The following ERBB4 variants were observed in gnomAD, a reference collection of about 807,000 sequenced individuals.
ERBB4 encodes the protein erb-b2 receptor tyrosine kinase 4, also known as receptor tyrosine-protein kinase erbB-4.
ERBB4 carries 42 observed loss-of-function variants against 158.0 expected under a neutral mutation model. The observed-to-expected ratio is 0.27, with a 90% CI of 0.21 to 0.34. The LOEUF (loss-of-function observed/expected upper bound fraction) is 0.34, where lower values mean the gene tolerates loss of function less well. Ranked by LOEUF, ERBB4 falls within the 10% of genes least tolerant of loss-of-function variation. The pLI, the probability that ERBB4 is intolerant of heterozygous loss-of-function variation, is 1.00. For missense variants in ERBB4, 1,333 were observed against 1,624.1 expected (o/e 0.82, Z 3.08); for synonymous variants, 583 against 558.7 (o/e 1.04, Z -0.61).
intron 2 of ERBB4, among the ~76,000 whole-genome samples, chr2:212,117,446 T>C (rs11695227): frequency 0.41 from 62,763 of 151,956 alleles, 15,399 homozygotes; most frequent in Non-Finnish European, 0.55. Context: ...CCTGTCTCAA[T>C]TAGTGACATG....
intron 1 of ERBB4, among the ~76,000 whole-genome samples, chr2:212,411,493 C>T (rs1437710877): frequency 6.6e-6 from 1 of 152,144 alleles, no homozygotes; most frequent in Non-Finnish European, 1.5e-5. Flanking sequence ...AACACTGCTA[C>T]CAGGAAGGGG....
chr2:211,394,284 A>T (rs1467869788), intron 25 of ERBB4, among the ~76,000 whole-genome samples: 1 of 152,186 alleles, frequency 6.6e-6, no homozygotes, highest in Non-Finnish European at 1.5e-5. Context: ...ATTCAAGATA[A>T]GCAACAAGAA....
At chr2:212,450,595 G>A (rs1315775821) in intron 1 of ERBB4, among the ~76,000 whole-genome samples, 1 of 152,060 alleles carries the variant, frequency 6.6e-6, no homozygotes, top group Non-Finnish European at 1.5e-5. Context: ...TTAGTCTAAT[G>A]AAACCCATTT....
intron 3 of ERBB4, among the ~76,000 whole-genome samples, chr2:211,869,654 CA>C (rs1189792193): frequency 6.6e-6 from 1 of 152,012 alleles, no homozygotes; most frequent in Non-Finnish European, 1.5e-5. Flanking sequence ...AAAAATAATG[CA>C]AAAATTAAAT....
At chr2:211,804,511 A>G (rs1490779926) in intron 3 of ERBB4, among the ~76,000 whole-genome samples, 2 of 152,332 alleles carry the variant, frequency 1.3e-5, no homozygotes, top group East Asian at 3.9e-4. Context: ...TACAATTCCA[A>G]AAAAGTCTTT....
chr2:211,737,496 G>A (rs116620380), intron 5 of ERBB4, among the ~76,000 whole-genome samples: 15 of 152,184 alleles, frequency 9.9e-5, no homozygotes, highest in African/African-American at 2.6e-4. Flanking sequence ...GTACAAAACC[G>A]GCACAATGGA....
chr2:212,322,582 G>GTTA (rs1202771744), intron 1 of ERBB4, among the ~76,000 whole-genome samples: 1 of 150,490 alleles, frequency 6.6e-6, no homozygotes, highest in African/African-American at 2.4e-5. Context: ...TGGGGAAGAG[G>GTTA]TTATTAGATG....
chr2:212,192,073 T>TATGTA (rs2082283969), intron 1 of ERBB4, among the ~76,000 whole-genome samples: 2 of 90,028 alleles, frequency 2.2e-5, no homozygotes, highest in Non-Finnish European at 4.4e-5. Context: ...TGTTATATGT[T>TATGTA]ATATATATTA....
chr2:212,215,201 A>T (rs1305340698), intron 1 of ERBB4, among the ~76,000 whole-genome samples: 1 of 151,516 alleles, frequency 6.6e-6, no homozygotes, highest in African/African-American at 2.4e-5. Context: ...TTTTATGCTT[A>T]GGATTTGAAC....
At chr2:212,489,516 G>A (rs189675015) in intron 1 of ERBB4, among the ~76,000 whole-genome samples, 1 of 151,948 alleles carries the variant, frequency 6.6e-6, no homozygotes, top group Non-Finnish European at 1.5e-5. Context: ...AATCAGAAAT[G>A]AAGTATTAAG....
intron 1 of ERBB4, among the ~76,000 whole-genome samples, chr2:212,319,266 GA>G (rs1455497550): frequency 7.2e-6 from 1 of 138,190 alleles, no homozygotes; most frequent in Non-Finnish European, 1.7e-5. Context: ...TGATAGTAAG[GA>G]ACAAATACAC....
intron 1 of ERBB4, among the ~76,000 whole-genome samples, chr2:212,191,980 A>C (rs1180261094): frequency 1.0e-5 from 1 of 98,042 alleles, no homozygotes; most frequent in Non-Finnish European, 2.0e-5. Flanking sequence ...TATGTTATAT[A>C]TGTTATATGT....
intron 25 of ERBB4, among the ~76,000 whole-genome samples, chr2:211,417,701 TTA>T (rs1022587251): frequency 2.0e-5 from 3 of 152,184 alleles, no homozygotes; most frequent in Non-Finnish European, 2.9e-5. Flanking sequence ...ACTTCTGTCT[TTA>T]TTTGATATTA....
intron 3 of ERBB4, among the ~76,000 whole-genome samples, chr2:211,907,374 T>C (rs2079423472): frequency 6.6e-6 from 1 of 151,258 alleles, no homozygotes; most frequent in Non-Finnish European, 1.5e-5. Context: ...ATGGGTCCAC[T>C]CCACTATGAT....
At chr2:212,058,691 G>C (rs573423553) in intron 2 of ERBB4, among the ~76,000 whole-genome samples, 1 of 151,874 alleles carries the variant, frequency 6.6e-6, no homozygotes, top group Admixed American at 6.6e-5. Flanking sequence ...GACAAAAATC[G>C]CATGATTATC....
chr2:212,139,397 C>T (rs1243869424), intron 1 of ERBB4, among the ~76,000 whole-genome samples: 2 of 152,068 alleles, frequency 1.3e-5, no homozygotes, highest in Non-Finnish European at 2.9e-5. Flanking sequence ...AAATGCATTA[C>T]AAAGTTCCTT....
At chr2:212,479,157 TCA>T (rs749151488) in intron 1 of ERBB4, among the ~76,000 whole-genome samples, 3 of 152,156 alleles carry the variant, frequency 2.0e-5, no homozygotes, top group Non-Finnish European at 4.4e-5. Context: ...TTAAAATTTC[TCA>T]GTCATTCTTA....
chr2:211,553,388 A>G (rs887211431), intron 20 of ERBB4, among the ~76,000 whole-genome samples: 3 of 152,148 alleles, frequency 2.0e-5, no homozygotes, highest in East Asian at 3.8e-4. Context: ...CAAAGGCAAA[A>G]AATATTGAAT....
intron 1 of ERBB4, among the ~76,000 whole-genome samples, chr2:212,475,086 A>G (rs10497974): frequency 0.092 from 13,985 of 152,000 alleles, 1,732 homozygotes; most frequent in African/African-American, 0.28. Context: ...GGTTGCGTCA[A>G]TATCACCTAA....
Sources: gnomAD v4.1 joint callset for allele counts (sites outside exome capture counted in the v4.1 genomes callset) on GRCh38, gnomAD v4.1.1 for gene constraint, MANE v1.5 for transcripts, NCBI Gene and HGNC (gene_info 2026-07-23, HGNC 2026-07-21) for gene names.